The following EDN1 variants were observed in gnomAD, a reference collection of about 807,000 sequenced individuals.
EDN1 encodes endothelin-1.
Under a neutral mutation model 21.7 loss-of-function variants are expected in EDN1, and 11 were observed. The ratio of observed to expected loss-of-function variants is 0.51; its 90% CI spans 0.32 to 0.84. EDN1 has a LOEUF of 0.84. Ranked by LOEUF, EDN1 falls within the 40% of genes least tolerant of loss-of-function variation. The pLI is 0.03. For synonymous variants in EDN1, 85 were observed against 90.6 expected, an observed-to-expected ratio of 0.94 and a Z score of 0.35; for missense variants, 244 against 262.3, an observed-to-expected ratio of 0.93 and a Z score of 0.48.
At chr6:12,272,452 C>CTTTTTTTTTTTTT in the EDN1 span, among the ~76,000 whole-genome samples, 23 of 106,816 alleles carry the variant, frequency 2.2e-4, 1 homozygote, top group African/African-American at 8.5e-4. Context: ...GAGTCATACT[C>CTTTTTTTTTTTTT]TTTTTTTTTT....
chr6:12,238,420 G>A, the EDN1 span, among the ~76,000 whole-genome samples: 1 of 152,174 alleles, frequency 6.6e-6, no homozygotes, highest in African/African-American at 2.4e-5. Context: ...CACTCAAGTG[G>A]CTGCAGAAGA....
At chr6:12,251,750 A>G in the EDN1 span, among the ~76,000 whole-genome samples, 1 of 152,182 alleles carries the variant, frequency 6.6e-6, no homozygotes, top group African/African-American at 2.4e-5. Flanking sequence ...TGCACGTTTT[A>G]TATTAACTCC....
At chr6:12,274,651 T>C in the EDN1 span, among the ~76,000 whole-genome samples, 1 of 152,232 alleles carries the variant, frequency 6.6e-6, no homozygotes, top group South Asian at 2.1e-4. Flanking sequence ...TAGAATCATC[T>C]ACACACCTAC....
At chr6:12,289,047 C>T (rs901698125), upstream of EDN1, among the ~76,000 whole-genome samples, 6 of 152,122 alleles carry the variant, frequency 3.9e-5, no homozygotes, top group African/African-American at 1.2e-4. Context: ...ATGGGACTAG[C>T]GGAAAAAGCC....
the EDN1 span, among the ~76,000 whole-genome samples, chr6:12,246,561 G>A: frequency 6.6e-6 from 1 of 152,100 alleles, no homozygotes; most frequent in African/African-American, 2.4e-5. Context: ...CTTGGGGTTA[G>A]TGTAAATGTC....
the EDN1 span, among the ~76,000 whole-genome samples, chr6:12,275,437 T>A: frequency 6.6e-6 from 1 of 152,196 alleles, no homozygotes; most frequent in Non-Finnish European, 1.5e-5. Context: ...AATAGACACC[T>A]TTTACTTGAC....
the EDN1 span, among the ~76,000 whole-genome samples, chr6:12,245,564 T>C: frequency 3.3e-5 from 5 of 152,224 alleles, no homozygotes; most frequent in Non-Finnish European, 4.4e-5. Flanking sequence ...TGGAAGTTCA[T>C]AGGAAGGAAG....
intron 1 of EDN1, among the ~76,000 whole-genome samples, chr6:12,291,832 C>T (rs766361532): frequency 8.5e-5 from 13 of 152,228 alleles, no homozygotes; most frequent in Non-Finnish European, 1.8e-4. Flanking sequence ...ATCTGGGGTA[C>T]CCTGTGCCCT....
chr6:12,252,423 G>A, the EDN1 span, among the ~76,000 whole-genome samples: 1 of 152,160 alleles, frequency 6.6e-6, no homozygotes, highest in South Asian at 2.1e-4. Context: ...TAAAAATTTA[G>A]GTTCCATTTC....
At chr6:12,254,291 C>T in the EDN1 span, among the ~76,000 whole-genome samples, 31 of 152,282 alleles carry the variant, frequency 2.0e-4, no homozygotes, top group East Asian at 9.6e-4. Flanking sequence ...GCCTGGTACC[C>T]GCTCTTCTTC....
intron 2 of EDN1, 25 bp from the exon 3 acceptor site, chr6:12,293,916 G>C (rs1217525519): frequency 6.2e-7 from 1 of 1,613,498 alleles, no homozygotes; most frequent in Non-Finnish European, 8.5e-7. Flanking sequence ...CACTAATATA[G>C]TTTCTTTCTC....
At chr6:12,287,774 A>T (rs1279906524), upstream of EDN1, among the ~76,000 whole-genome samples, 3 of 148,434 alleles carry the variant, frequency 2.0e-5, no homozygotes, top group East Asian at 6.1e-4. Context: ...GCGCGCGCGC[A>T]GGCACACGTC....
chr6:12,281,559 A>T, the EDN1 span, among the ~76,000 whole-genome samples: 2 of 117,830 alleles, frequency 1.7e-5, no homozygotes, highest in Non-Finnish European at 3.6e-5. Flanking sequence ...TGAGGAGTTG[A>T]TCTCCAAGGA....
At chr6:12,281,366 T>C in the EDN1 span, among the ~76,000 whole-genome samples, 1 of 152,372 alleles carries the variant, frequency 6.6e-6, no homozygotes, top group South Asian at 2.1e-4. Context: ...AAAAAAACTT[T>C]GTGTAGCTCT....
At chr6:12,286,226 C>G (rs896502628), upstream of EDN1, among the ~76,000 whole-genome samples, 9 of 152,156 alleles carry the variant, frequency 5.9e-5, no homozygotes, top group African/African-American at 1.9e-4. Flanking sequence ...TATGATTATC[C>G]TATGGATGAG....
At chr6:12,263,327 C>T in the EDN1 span, among the ~76,000 whole-genome samples, 2 of 152,246 alleles carry the variant, frequency 1.3e-5, no homozygotes, top group South Asian at 2.1e-4. Context: ...GTCCAGTCTT[C>T]AAAAGCAGTA....
the EDN1 span, among the ~76,000 whole-genome samples, chr6:12,271,913 T>A: frequency 6.6e-6 from 1 of 152,236 alleles, no homozygotes; most frequent in African/African-American, 2.4e-5. Context: ...AAGGTTTCTT[T>A]TGAGAAATCT....
the EDN1 span, among the ~76,000 whole-genome samples, chr6:12,239,212 C>T: frequency 2.0e-5 from 3 of 152,274 alleles, no homozygotes; most frequent in South Asian, 6.2e-4. Context: ...ATTCGTGTTC[C>T]TTTCTGGCTG....
At chr6:12,261,893 C>T in the EDN1 span, among the ~76,000 whole-genome samples, 2 of 152,222 alleles carry the variant, frequency 1.3e-5, no homozygotes, top group South Asian at 4.1e-4. Context: ...GGAATGGAGA[C>T]TTATAGACAT....
Sources: allele counts gnomAD v4.1 joint callset (sites outside exome capture counted in the v4.1 genomes callset), GRCh38; gene constraint gnomAD v4.1.1; transcripts MANE v1.5; gene names NCBI Gene and HGNC (gene_info 2026-07-23, HGNC 2026-07-21).